Variants in IGSF21 observed in about 807,000 individuals in gnomAD.
IGSF21 encodes immunoglobulin superfamily member 21.
In IGSF21, 28 loss-of-function variants were observed where a neutral mutation model predicts 46.8. The ratio of observed to expected loss-of-function variants is 0.60; its 90% CI spans 0.44 to 0.82. The LOEUF (loss-of-function observed/expected upper bound fraction) is 0.82. IGSF21 is among the 40% of genes least tolerant of loss of function. IGSF21 has a pLI of 0.00. For synonymous variants in IGSF21, 284 were observed against 273.6 expected (o/e 1.04, Z -0.38); for missense variants, 624 against 665.5 (o/e 0.94, Z 0.69).
intron 1 of IGSF21, among the ~76,000 whole-genome samples, chr1:18,153,950 G>A (rs1224163874): frequency 6.6e-6 from 1 of 152,160 alleles, no homozygotes; most frequent in Non-Finnish European, 1.5e-5. Flanking sequence ...GAAGCCCGGA[G>A]CAGGGAAGAG....
chr1:18,292,071 T>G, intron 3 of IGSF21, 84 bp downstream of exon 3: 1 of 1,388,160 alleles, frequency 7.2e-7, no homozygotes, highest in Non-Finnish European at 1.0e-6. Context: ...TCCAGCCCTT[T>G]CACATCAATC....
At chr1:18,301,736 G>T (rs2085364020) in intron 3 of IGSF21, among the ~76,000 whole-genome samples, 1 of 152,196 alleles carries the variant, frequency 6.6e-6, no homozygotes, top group South Asian at 2.1e-4. Flanking sequence ...ACATGTGCGT[G>T]TGTACACAGA....
At chr1:18,162,230 T>C (rs1486389702) in intron 1 of IGSF21, among the ~76,000 whole-genome samples, 2 of 152,116 alleles carry the variant, frequency 1.3e-5, no homozygotes, top group African/African-American at 4.8e-5. Flanking sequence ...TATTTTTTTG[T>C]AGAGACAAGG....
intron 4 of IGSF21, among the ~76,000 whole-genome samples, chr1:18,346,345 G>A (rs2085892787): frequency 6.6e-6 from 1 of 152,058 alleles, no homozygotes; most frequent in Non-Finnish European, 1.5e-5. Context: ...GAAACTGAAG[G>A]TAATCATGCT....
At chr1:18,275,615 C>A (rs186453730) in intron 2 of IGSF21, among the ~76,000 whole-genome samples, 2 of 152,306 alleles carry the variant, frequency 1.3e-5, no homozygotes, top group Admixed American at 1.3e-4. Flanking sequence ...CCTCACCCAA[C>A]TATGGAACAG....
intron 2 of IGSF21, among the ~76,000 whole-genome samples, chr1:18,291,594 T>C (rs576346002): frequency 6.6e-6 from 1 of 152,342 alleles, no homozygotes; most frequent in Admixed American, 6.5e-5. Flanking sequence ...AAGCTTCCCC[T>C]GAGCGCACAC....
chr1:18,341,066 T>TTCCTCTTCC (rs1291896112), intron 4 of IGSF21, among the ~76,000 whole-genome samples: 1 of 62,912 alleles, frequency 1.6e-5, no homozygotes, highest in Non-Finnish European at 3.8e-5. Flanking sequence ...CCTCTTCTTC[T>TTCCTCTTCC]TCTTCTTCTT....
intron 1 of IGSF21, among the ~76,000 whole-genome samples, chr1:18,174,921 G>C (rs1408137887): frequency 1.3e-5 from 2 of 152,208 alleles, no homozygotes; most frequent in East Asian, 3.9e-4. Flanking sequence ...GTGAGCACTG[G>C]AGGTCTCTGG....
intron 3 of IGSF21, among the ~76,000 whole-genome samples, chr1:18,315,951 G>A (rs759850677): frequency 2.2e-4 from 34 of 152,116 alleles, no homozygotes; most frequent in Non-Finnish European, 5.0e-4. Context: ...CTGTGTAGAA[G>A]CCTCCAGCAT....
At chr1:18,368,690 C>A (rs893395005) in intron 6 of IGSF21, among the ~76,000 whole-genome samples, 3 of 152,136 alleles carry the variant, frequency 2.0e-5, no homozygotes, top group African/African-American at 7.2e-5. Context: ...TGGCCTCTTC[C>A]TCCCCTGACA....
chr1:18,205,964 C>T (rs1279831229), intron 1 of IGSF21, among the ~76,000 whole-genome samples: 1 of 152,212 alleles, frequency 6.6e-6, no homozygotes, highest in East Asian at 1.9e-4. Flanking sequence ...TATAAAATGT[C>T]AACAATTCCT....
At chr1:18,129,921 G>A (rs1382830468) in intron 1 of IGSF21, among the ~76,000 whole-genome samples, 2 of 152,148 alleles carry the variant, frequency 1.3e-5, no homozygotes, top group Non-Finnish European at 2.9e-5. Context: ...CACAGCAAGA[G>A]GGGCCTCGTC....
At chr1:18,158,021 T>A (rs2086583624) in intron 1 of IGSF21, among the ~76,000 whole-genome samples, 1 of 152,168 alleles carries the variant, frequency 6.6e-6, no homozygotes, top group African/African-American at 2.4e-5. Flanking sequence ...AATATCCTAG[T>A]ATAGGGTCCC....
intron 3 of IGSF21, among the ~76,000 whole-genome samples, chr1:18,295,992 G>A (rs184589021): frequency 4.6e-5 from 7 of 150,968 alleles, no homozygotes; most frequent in East Asian, 3.9e-4. Context: ...CAAAATGAGC[G>A]GGCAGTTCTG....
intron 2 of IGSF21, among the ~76,000 whole-genome samples, chr1:18,283,613 G>A (rs377406238): frequency 1.1e-4 from 16 of 152,174 alleles, no homozygotes; most frequent in South Asian, 6.2e-4. Context: ...GCGGCCAGGC[G>A]GCTGAATCAT....
Position 18,291,967 on chromosome 1 carries a change from G to A in IGSF21, c.285G>A (p.Leu95=). The A allele has an allele frequency of 6.2e-7, 1 of 1,614,086 alleles. No individual in the cohort carries two copies. Among genetic ancestry groups the A allele is most frequent in the Non-Finnish European group, 8.5e-7 (1 of 1,180,016 alleles). Residue 95 remains leucine (L), a synonymous_variant, in exon 3 of 10, where the codon CTG becomes CTA. Transcript: ENST00000251296. The stretch of plus-strand genomic sequence containing the variant: ...AGAACTACCGCAAGCGAGAGGACCT[G>A]GTGTACCAGTCCACTGTGAGGTGAG... ...HMENYRKRED[L]VYQSTVRLPE... is the part of the protein sequence containing the mutation.
chr1:18,218,626 TA>T (rs1253308008), intron 1 of IGSF21, among the ~76,000 whole-genome samples: 1 of 152,074 alleles, frequency 6.6e-6, no homozygotes, highest in Non-Finnish European at 1.5e-5. Context: ...TGAAGATAAA[TA>T]AAACCTACAG....
intron 4 of IGSF21, among the ~76,000 whole-genome samples, chr1:18,339,374 G>A (rs559768942): frequency 6.6e-6 from 1 of 152,334 alleles, no homozygotes; most frequent in Non-Finnish European, 1.5e-5. Flanking sequence ...AACAAGCACT[G>A]GAGTGGAGAC....
At chr1:18,243,071 T>A (rs2084749008) in intron 2 of IGSF21, among the ~76,000 whole-genome samples, 1 of 152,148 alleles carries the variant, frequency 6.6e-6, no homozygotes. Context: ...CTGAGGGCAA[T>A]CAGGGACCTA....
Sources: gnomAD v4.1 joint callset for allele counts (sites outside exome capture counted in the v4.1 genomes callset) on GRCh38, gnomAD v4.1.1 for gene constraint, MANE v1.5 for transcripts, NCBI Gene and HGNC (gene_info 2026-07-23, HGNC 2026-07-21) for gene names.